Variants in DLC1 observed in about 807,000 individuals in gnomAD.
The protein encoded by DLC1 is DLC1 Rho GTPase activating protein.
Under a neutral mutation model 140.3 loss-of-function variants are expected in DLC1, and 54 were observed. The ratio of observed to expected loss-of-function variants is 0.38; its 90% CI spans 0.31 to 0.48. The LOEUF (loss-of-function observed/expected upper bound fraction) is 0.48. Among genes scored for constraint, DLC1 ranks in the 20% least tolerant of loss-of-function variants. The probability of loss-of-function intolerance (pLI) is 0.96; values close to 1 mark genes in which losing one functional copy is unlikely to be tolerated. For synonymous variants in DLC1, 986 were observed against 728.1 expected (o/e 1.35, Z -5.70); for missense variants, 2,536 against 1,907.0 (o/e 1.33, Z -6.14).
At chr8:13,214,402 C>T (rs900416543) in intron 5 of DLC1, 11 of 425,944 alleles carry the variant, frequency 2.6e-5, no homozygotes, top group Non-Finnish European at 4.6e-5. Flanking sequence ...GCCCACTCTC[C>T]TATTTGCTTG....
At chr8:13,101,090 G>A (rs1232588895) in intron 8 of DLC1, among the ~76,000 whole-genome samples, 2 of 151,842 alleles carry the variant, frequency 1.3e-5, no homozygotes, top group Non-Finnish European at 2.9e-5. Flanking sequence ...TAAATTTTTT[G>A]TAGAGAGCAG....
chr8:13,477,330 T>C (rs1168689772), intron 2 of DLC1, among the ~76,000 whole-genome samples: 1 of 152,150 alleles, frequency 6.6e-6, no homozygotes, highest in Non-Finnish European at 1.5e-5. Context: ...ACAGAAACAG[T>C]TACGCGGTAA....
intron 5 of DLC1, among the ~76,000 whole-genome samples, chr8:13,162,709 G>C (rs1824801624): frequency 6.6e-6 from 1 of 152,150 alleles, no homozygotes. Flanking sequence ...GGAGGCCAAG[G>C]CAGGAGGATC....
chr8:13,148,787 A>C (rs1823609897), intron 5 of DLC1, among the ~76,000 whole-genome samples: 1 of 151,920 alleles, frequency 6.6e-6, no homozygotes, highest in Admixed American at 6.6e-5. Flanking sequence ...ATGAGGTGAT[A>C]ATTTTTTCTT....
chr8:13,153,624 G>A (rs922346919), intron 5 of DLC1, among the ~76,000 whole-genome samples: 40 of 152,270 alleles, frequency 2.6e-4, no homozygotes, highest in African/African-American at 9.1e-4. Flanking sequence ...GGTGCTGATT[G>A]GTGCGTTTAC....
chr8:13,331,177 G>T (rs1012312291), intron 4 of DLC1, among the ~76,000 whole-genome samples: 3 of 152,136 alleles, frequency 2.0e-5, no homozygotes, highest in Non-Finnish European at 4.4e-5. Context: ...ATACAGATTG[G>T]TGGTTTGTAA....
intron 4 of DLC1, among the ~76,000 whole-genome samples, chr8:13,381,029 C>T (rs1457410303): frequency 2.0e-5 from 3 of 152,128 alleles, no homozygotes; most frequent in Non-Finnish European, 4.4e-5. Flanking sequence ...TCAAAGGGAC[C>T]TTATAGACAT....
At chr8:13,283,465 C>T (rs928816794) in intron 5 of DLC1, among the ~76,000 whole-genome samples, 3 of 152,176 alleles carry the variant, frequency 2.0e-5, no homozygotes, top group African/African-American at 7.2e-5. Context: ...AATTTTGGGG[C>T]CACAGAATAG....
At chr8:13,314,442 C>T (rs1004948863) in intron 4 of DLC1, among the ~76,000 whole-genome samples, 3 of 151,620 alleles carry the variant, frequency 2.0e-5, no homozygotes, top group Non-Finnish European at 2.9e-5. Flanking sequence ...AGAAACAAAA[C>T]AACATATATT....
chr8:13,216,089 G>T (rs1828188894), intron 5 of DLC1, among the ~76,000 whole-genome samples: 1 of 152,110 alleles, frequency 6.6e-6, no homozygotes, highest in Admixed American at 6.5e-5. Flanking sequence ...TCCTCTTATT[G>T]CTGTCCTGTT....
chr8:13,353,921 A>G (rs1022258580), intron 4 of DLC1, among the ~76,000 whole-genome samples: 1 of 151,988 alleles, frequency 6.6e-6, no homozygotes, highest in Non-Finnish European at 1.5e-5. Flanking sequence ...AGTCAATGGC[A>G]TAGTTCTTGA....
intron 7 of DLC1, among the ~76,000 whole-genome samples, chr8:13,109,948 TA>T (rs1454211507): frequency 6.6e-6 from 1 of 152,088 alleles, no homozygotes; most frequent in African/African-American, 2.4e-5. Flanking sequence ...GAAATTAAAA[TA>T]ATACTTAGTT....
At chr8:13,520,085 A>G (rs1406264348) in intron 1 of DLC1, among the ~76,000 whole-genome samples, 2 of 152,204 alleles carry the variant, frequency 1.3e-5, no homozygotes, top group African/African-American at 4.8e-5. Context: ...AGGATCTACA[A>G]CTAGAAGTAC....
In DLC1 at chr8:13,533,668, C is replaced by G. The variant is rs532820570; in HGVS notation, c.-125-33472G>C. ...CCAAACAAGATGCTTAAAACCCGCT[C>G]CATCATAATTACTTTATATGCTATG... is the stretch of plus-strand genomic sequence containing the variant. On this transcript the variant is annotated intron_variant, in intron 1 of 1. Transcript: ENST00000631382. 4.6e-5 allele frequency among the ~76,000 whole-genome samples: 7 copies of G among 152,262 alleles called. No individual in the cohort carries two copies. In the South Asian group the frequency reaches 1.5e-3, roughly 32 times the overall value.
chr8:13,319,903 C>T (rs1473428108), intron 4 of DLC1, among the ~76,000 whole-genome samples: 5 of 132,842 alleles, frequency 3.8e-5, no homozygotes, highest in Non-Finnish European at 7.7e-5. Flanking sequence ...GTTCACTGCA[C>T]CCTCCACCTC....
At chr8:13,588,775 G>C (rs532963458) in intron 1 of DLC1, among the ~76,000 whole-genome samples, 2 of 152,032 alleles carry the variant, frequency 1.3e-5, no homozygotes, top group Non-Finnish European at 2.9e-5. Context: ...ATGGTTAAGT[G>C]ATATTTATTA....
rs78775803 is a variant in DLC1 at position 13,468,811 on chromosome 8, C to CTTTTTTTTTTTTTTTTTTTTTTT, written c.1023+30215_1023+30237dup. ...GTTGATTCTCCCAATTTTATGTCTG[C>CTTTTTTTTTTTTTTTTTTTTTTT]TTTTTTTTTTTTTTTTTTTTTTTTT... On this transcript the variant is annotated intron_variant, in intron 2 of 17. Transcript: ENST00000276297. Among the ~76,000 whole-genome samples, 73 of 89,958 alleles carry CTTTTTTTTTTTTTTTTTTTTTTT rather than the reference C, an allele frequency of 8.1e-4. 14 individuals are homozygous for CTTTTTTTTTTTTTTTTTTTTTTT. The highest frequency in any genetic ancestry group is 1.2e-3 in the Non-Finnish European group (63 of 50,686). 59.0% of individuals were successfully genotyped at this position (89,958 alleles called of 152,430 possible).
chr8:13,489,977 C>T (rs1357440083), intron 2 of DLC1, among the ~76,000 whole-genome samples: 4 of 152,086 alleles, frequency 2.6e-5, no homozygotes, highest in Non-Finnish European at 1.5e-5. Flanking sequence ...ACTTAATGTT[C>T]CTAACAATCT....
chr8:13,355,247 G>C (rs991981765), intron 4 of DLC1, among the ~76,000 whole-genome samples: 7 of 151,998 alleles, frequency 4.6e-5, no homozygotes, highest in African/African-American at 9.7e-5. Context: ...ACACCTAGGG[G>C]GGCTAAGGCA....
Sources: gnomAD v4.1 joint callset for allele counts (sites outside exome capture counted in the v4.1 genomes callset) on GRCh38, gnomAD v4.1.1 for gene constraint, MANE v1.5 for transcripts, NCBI Gene and HGNC (gene_info 2026-07-23, HGNC 2026-07-21) for gene names.